Variants in PKNOX2 observed in about 807,000 individuals in gnomAD.
PKNOX2 encodes PBX/knotted 1 homeobox 2, also known as homeobox protein PKNOX2.
PKNOX2 carries 14 observed loss-of-function variants against 53.1 expected under a neutral mutation model. The observed-to-expected ratio is 0.26, with a 90% CI of 0.17 to 0.41. The LOEUF (loss-of-function observed/expected upper bound fraction) is 0.41. Among genes scored for constraint, PKNOX2 ranks in the 10% least tolerant of loss-of-function variants. PKNOX2 has a pLI of 1.00. For missense variants in PKNOX2, 496 were observed against 602.8 expected (o/e 0.82, Z 1.85); for synonymous variants, 257 against 242.8 (o/e 1.06, Z -0.54).
At chr11:125,343,607 G>A (rs1462171773) in intron 3 of PKNOX2, among the ~76,000 whole-genome samples, 3 of 152,146 alleles carry the variant, frequency 2.0e-5, no homozygotes, top group African/African-American at 7.2e-5. Flanking sequence ...TAAGCTCCTC[G>A]GTAGGAAGAT....
At chr11:125,354,888 C>A (rs543576072) in intron 4 of PKNOX2, among the ~76,000 whole-genome samples, 35 of 152,176 alleles carry the variant, frequency 2.3e-4, no homozygotes, top group African/African-American at 8.4e-4. Flanking sequence ...CTGTTGCAGT[C>A]CATCCCGGAG....
At chr11:125,338,837 A>G (rs1950544108) in intron 3 of PKNOX2, among the ~76,000 whole-genome samples, 1 of 152,224 alleles carries the variant, frequency 6.6e-6, no homozygotes, top group Admixed American at 6.5e-5. Context: ...AAGAGGGCAA[A>G]GTGAAGGCAT....
intron 6 of PKNOX2, among the ~76,000 whole-genome samples, chr11:125,393,519 G>A (rs1178152904): frequency 1.3e-5 from 2 of 152,168 alleles, no homozygotes; most frequent in Admixed American, 1.3e-4. Flanking sequence ...CAGCCACCTA[G>A]AGGCTGGTCC....
intron 1 of PKNOX2, among the ~76,000 whole-genome samples, chr11:125,189,398 T>C (rs7947830): frequency 0.059 from 2,842 of 47,882 alleles, 144 homozygotes; most frequent in African/African-American, 0.14. Context: ...TATATATATA[T>C]GTGTGTATAT....
chr11:125,391,357 A>G (rs116880037), intron 6 of PKNOX2, among the ~76,000 whole-genome samples: 3,528 of 152,314 alleles, frequency 0.023, 58 homozygotes, highest in Middle Eastern at 0.051. Flanking sequence ...AATTATTATT[A>G]TCAAGTGGAA....
chr11:125,222,745 C>CTG (rs770783262), intron 1 of PKNOX2, among the ~76,000 whole-genome samples: 2 of 139,154 alleles, frequency 1.4e-5, no homozygotes, highest in Non-Finnish European at 3.1e-5. Context: ...GTGTCTGTGT[C>CTG]TGTGTGCCTG....
chr11:125,207,777 G>C (rs1257770317), intron 1 of PKNOX2, among the ~76,000 whole-genome samples: 1 of 152,028 alleles, frequency 6.6e-6, no homozygotes, highest in African/African-American at 2.4e-5. Context: ...ATGGGAATAA[G>C]CATGTCGGGG....
At chr11:125,193,034 C>T (rs1956973768) in intron 1 of PKNOX2, among the ~76,000 whole-genome samples, 1 of 152,222 alleles carries the variant, frequency 6.6e-6, no homozygotes, top group African/African-American at 2.4e-5. Context: ...TCACTTCTGT[C>T]AGCTGTGCAG....
At chr11:125,245,781 C>T (rs940720697) in intron 2 of PKNOX2, among the ~76,000 whole-genome samples, 2 of 152,152 alleles carry the variant, frequency 1.3e-5, no homozygotes, top group East Asian at 1.9e-4. Context: ...CTGAAGGGAC[C>T]TTAGTGGTTA....
chr11:125,322,559 G>A (rs1015655282), intron 2 of PKNOX2, among the ~76,000 whole-genome samples: 5 of 152,186 alleles, frequency 3.3e-5, no homozygotes, highest in Admixed American at 6.5e-5. Context: ...GCTCTCGTGG[G>A]GGTTTAATCC....
chr11:125,251,699 T>C (rs1488667990), intron 2 of PKNOX2, among the ~76,000 whole-genome samples: 1 of 151,424 alleles, frequency 6.6e-6, no homozygotes, highest in East Asian at 1.9e-4. Context: ...CAACCCAACC[T>C]CTCTTCCTCC....
intron 2 of PKNOX2, among the ~76,000 whole-genome samples, chr11:125,255,801 G>A (rs1361370572): frequency 1.3e-5 from 2 of 151,880 alleles, no homozygotes; most frequent in African/African-American, 4.8e-5. Context: ...ACTCTGCCCA[G>A]CACCAACACA....
intron 2 of PKNOX2, among the ~76,000 whole-genome samples, chr11:125,252,612 C>T (rs118153414): frequency 0.02 from 3,059 of 152,118 alleles, 45 homozygotes; most frequent in Non-Finnish European, 0.034. Context: ...AGGATGGGCT[C>T]TAGGTTTCTG....
At chr11:125,194,607 G>A (rs928022289) in intron 1 of PKNOX2, among the ~76,000 whole-genome samples, 6 of 152,110 alleles carry the variant, frequency 3.9e-5, no homozygotes, top group Non-Finnish European at 5.9e-5. Context: ...GGGTTTTGGT[G>A]AGCCCCTCAC....
chr11:125,397,813 T>G (rs1591556294), intron 6 of PKNOX2, 61 bp from the exon 7 acceptor site: 1 of 1,513,008 alleles, frequency 6.6e-7, no homozygotes, highest in Non-Finnish European at 9.0e-7. Context: ...GGGCTGGGGG[T>G]CCAGGCAGTG....
intron 1 of PKNOX2, among the ~76,000 whole-genome samples, chr11:125,189,807 C>T (rs1956761211): frequency 6.6e-6 from 1 of 151,994 alleles, no homozygotes; most frequent in Non-Finnish European, 1.5e-5. Flanking sequence ...CTTGCAGTCC[C>T]TCTTTCCCCT....
intron 1 of PKNOX2, among the ~76,000 whole-genome samples, chr11:125,198,936 G>C (rs1284270828): frequency 6.6e-6 from 1 of 151,486 alleles, no homozygotes; most frequent in Non-Finnish European, 1.5e-5. Context: ...CACCTCCCAG[G>C]TTGAAGCTAT....
intron 2 of PKNOX2, among the ~76,000 whole-genome samples, chr11:125,285,361 A>G (rs564131499): frequency 6.6e-6 from 1 of 152,340 alleles, no homozygotes; most frequent in East Asian, 1.9e-4. Flanking sequence ...ATTGAAGGGT[A>G]TTAGACATGA....
chr11:125,423,996 C>T (rs1565523209), intron 10 of PKNOX2, among the ~76,000 whole-genome samples: 1 of 152,138 alleles, frequency 6.6e-6, no homozygotes, highest in Non-Finnish European at 1.5e-5. Context: ...CCATTTACAT[C>T]AGGTTCAAAA....
Sources: gnomAD v4.1 joint callset for allele counts (sites outside exome capture counted in the v4.1 genomes callset) on GRCh38, gnomAD v4.1.1 for gene constraint, MANE v1.5 for transcripts, NCBI Gene and HGNC (gene_info 2026-07-23, HGNC 2026-07-21) for gene names.